FRK: variants seen among roughly 807,000 people sequenced by gnomAD.
FRK encodes the protein tyrosine-protein kinase FRK.
In FRK, 51 loss-of-function variants were observed where a neutral mutation model predicts 56.4. The observed-to-expected ratio is 0.90, with a 90% CI of 0.72 to 1.14. The LOEUF is 1.14. Among genes scored for constraint, FRK ranks in the 50% most tolerant of loss-of-function variants. FRK has a pLI of 0.00. For synonymous variants in FRK, 245 were observed against 217.9 expected, an observed-to-expected ratio of 1.12 and a Z score of -1.10; for missense variants, 570 against 601.4, an observed-to-expected ratio of 0.95 and a Z score of 0.55.
intron 5 of FRK, among the ~76,000 whole-genome samples, chr6:115,944,735 T>C (rs1317426640): frequency 6.6e-6 from 1 of 152,134 alleles, no homozygotes; most frequent in East Asian, 1.9e-4. Context: ...ATTTATCTTT[T>C]ATTTTAAGTT....
rs1310340885 is a variant in FRK at position 115,933,238 on chromosome 6, C to T, written c.*9176G>A. ...TGAAATGATGTACTCACATCCCTCA[C>T]CACCATCTCCAAATAACTGAATTAC... On this transcript the variant is annotated 3_prime_UTR_variant, in exon 8 of 8. Transcript: ENST00000606080. 3 of 152,282 alleles carry T rather than the reference C, an allele frequency of 2.0e-5. No homozygotes were observed. The highest frequency in any genetic ancestry group is 1.9e-4 in the East Asian group (1 of 5,190). 9.4% of individuals were successfully genotyped at this position (152,282 alleles called of 1,614,324 possible).
chr6:115,940,278 T>C lies in FRK; in HGVS notation c.*2136A>G, dbSNP rs536366436. The C allele has an allele frequency of 6.6e-6, 1 of 152,338 alleles. No homozygotes were observed. The highest frequency in any genetic ancestry group is 2.1e-4 in the South Asian group (1 of 4,834). 9.4% of individuals were successfully genotyped at this position (152,338 alleles called of 1,614,324 possible). On this transcript the variant is annotated 3_prime_UTR_variant, in exon 8 of 8. Coordinates refer to ENST00000606080, the MANE Select transcript of FRK (RefSeq NM_002031.3). The stretch of plus-strand genomic sequence containing the variant: ...GTGTTGGGAAAACTAGCTAGCCATA[T>C]GCAGAAAACTGAAACTGGACCCCTT...
chr6:116,039,526 A>G (rs1270230405), intron 1 of FRK: 14 of 1,282,540 alleles, frequency 1.1e-5, no homozygotes, highest in Non-Finnish European at 1.5e-5. Context: ...CCTTCCTGCC[A>G]AGCCAGGGAC....
At chr6:116,039,113 C>T in intron 1 of FRK, 1 of 831,672 alleles carries the variant, frequency 1.2e-6, no homozygotes, top group African/African-American at 1.7e-5. Context: ...GGCAAAGGGA[C>T]TCAGAGTAAT....
upstream of FRK, among the ~76,000 whole-genome samples, chr6:116,065,681 C>G (rs1777748620): frequency 6.6e-6 from 1 of 152,184 alleles, no homozygotes; most frequent in African/African-American, 2.4e-5. Flanking sequence ...CTCATTTGTG[C>G]CCTCCCAGCA....
At chr6:116,049,087 C>T (rs1777095121) in intron 1 of FRK, among the ~76,000 whole-genome samples, 1 of 152,112 alleles carries the variant, frequency 6.6e-6, no homozygotes, top group South Asian at 2.1e-4. Flanking sequence ...TATCTCTTCT[C>T]TAATCCATTC....
At chr6:115,994,338 C>CCCCCCCCT (rs1554230544) in intron 2 of FRK, among the ~76,000 whole-genome samples, 2 of 91,768 alleles carry the variant, frequency 2.2e-5, no homozygotes, top group African/African-American at 3.5e-5. Flanking sequence ...CCCCCCCCGC[C>CCCCCCCCT]TTTTTTTTGT....
In FRK at chr6:115,933,180, G is replaced by A. The variant is rs1301593479; in HGVS notation, c.*9234C>T. The A allele has an allele frequency of 6.6e-6, 1 of 151,958 alleles. No individual in the cohort carries two copies. The highest frequency in any genetic ancestry group is 1.5e-5 in the Non-Finnish European group (1 of 67,998). 9.4% of individuals were successfully genotyped at this position (151,958 alleles called of 1,614,324 possible). ...GAATTTTCTTTATTGCAAATTCTTA[G>A]GGTTTCTGTCAAAAGAGATTTGAAA... On this transcript the variant is annotated 3_prime_UTR_variant, in exon 8 of 8. Transcript: ENST00000606080.
At chr6:116,033,699 C>T (rs1272391591) in intron 1 of FRK, among the ~76,000 whole-genome samples, 2 of 152,132 alleles carry the variant, frequency 1.3e-5, no homozygotes, top group South Asian at 2.1e-4. Context: ...TGCAAGGAGA[C>T]TCAGAAGTCA....
chr6:115,987,385 T>G (rs1047093030), intron 2 of FRK, among the ~76,000 whole-genome samples: 1 of 152,056 alleles, frequency 6.6e-6, no homozygotes, highest in Non-Finnish European at 1.5e-5. Flanking sequence ...ACTGCAATAC[T>G]CTTAATGGGA....
At chr6:115,979,295 C>T (rs957254889) in intron 2 of FRK, among the ~76,000 whole-genome samples, 1 of 151,480 alleles carries the variant, frequency 6.6e-6, no homozygotes, top group Non-Finnish European at 1.5e-5. Context: ...GTCCAAAGGT[C>T]GTGTGTGTGT....
the FRK span, among the ~76,000 whole-genome samples, chr6:116,078,708 C>G: frequency 6.6e-6 from 1 of 152,194 alleles, no homozygotes; most frequent in South Asian, 2.1e-4. Context: ...TATTGACACA[C>G]TAAAAGCCCC....
At chr6:116,013,529 A>G (rs1775544645) in intron 1 of FRK, among the ~76,000 whole-genome samples, 1 of 152,192 alleles carries the variant, frequency 6.6e-6, no homozygotes, top group South Asian at 2.1e-4. Flanking sequence ...TGGATGGGTT[A>G]GAGTTGAAAG....
At chr6:115,949,480 G>A (rs989024173) in intron 5 of FRK, among the ~76,000 whole-genome samples, 25 of 152,262 alleles carry the variant, frequency 1.6e-4, no homozygotes, top group African/African-American at 5.5e-4. Context: ...TTTACTGAGT[G>A]TTAAGGACCT....
At chr6:116,019,796 ACT>A (rs1775795782) in intron 1 of FRK, among the ~76,000 whole-genome samples, 1 of 152,036 alleles carries the variant, frequency 6.6e-6, no homozygotes, top group South Asian at 2.1e-4. Context: ...TAATAATACC[ACT>A]CTACAGAGTG....
chr6:115,954,489 G>C (rs1007388159), intron 5 of FRK, among the ~76,000 whole-genome samples: 4 of 152,128 alleles, frequency 2.6e-5, no homozygotes, highest in African/African-American at 9.7e-5. Flanking sequence ...TATTTTGAAG[G>C]CCAGCCAATG....
chr6:115,942,437 C>G lies in FRK; in HGVS notation c.1495G>C (p.Asp499His), dbSNP rs1190561956. 2 of 1,613,192 alleles carry G rather than the reference C, an allele frequency of 1.2e-6. No individual in the cohort carries two copies. ...DYFETDSSYSDANNFIR is the reference protein window; with the variant it reads ...DYFETDSSYSHANNFIR ...GTTCATCTTATGAAGTTATTTGCAT[C>G]TGAATATGAAGAGTCTGTTTCAAAA... The change falls in exon 8 of 8, where the codon GAT (aspartate) becomes CAT (histidine). Residue 499 changes from aspartate (D) to histidine (H), a missense_variant. Transcript: ENST00000606080.
intron 1 of FRK, 146 bp from the exon 2 acceptor site, chr6:116,004,144 C>G: frequency 2.9e-6 from 2 of 684,526 alleles, no homozygotes; most frequent in Non-Finnish European, 4.8e-6. Flanking sequence ...TAGCTTCTGA[C>G]ACTTGAGATG....
Position 115,939,385 on chromosome 6 carries a change from G to A in FRK, c.*3029C>T, listed in dbSNP as rs1368361838. 6.6e-6 allele frequency: 1 copy of A among 152,160 alleles called. No homozygotes were observed. The highest frequency in any genetic ancestry group is 2.4e-5 in the African/African-American group (1 of 41,432). 9.4% of individuals were successfully genotyped at this position (152,160 alleles called of 1,614,324 possible). A position where few individuals can be genotyped will look rare whatever the true frequency, so the allele number is the denominator to read the frequency against. ...AACCACAGCCAATATCATACTGAAT[G>A]GGTAAACCTGGAAGCATTCCCTTTG... On this transcript the variant is annotated 3_prime_UTR_variant, in exon 8 of 8. Coordinates refer to ENST00000606080, the MANE Select transcript of FRK (RefSeq NM_002031.3).
Sources: gnomAD v4.1 joint callset for allele counts (sites outside exome capture counted in the v4.1 genomes callset) on GRCh38, gnomAD v4.1.1 for gene constraint, MANE v1.5 for transcripts, NCBI Gene and HGNC (gene_info 2026-07-23, HGNC 2026-07-21) for gene names.